DNAH5: variants seen among roughly 807,000 people sequenced by gnomAD.
The protein encoded by DNAH5 is axonemal beta dynein heavy chain 5.
In DNAH5, 372 loss-of-function variants were observed where a neutral mutation model predicts 518.2. The ratio of observed to expected loss-of-function variants is 0.72; its 90% CI spans 0.66 to 0.78. The LOEUF (loss-of-function observed/expected upper bound fraction) is 0.78, where lower values mean the gene tolerates loss of function less well. Ranked by LOEUF, DNAH5 falls within the 30% of genes least tolerant of loss-of-function variation. DNAH5 has a pLI of 0.00. For missense variants in DNAH5, 5,523 were observed against 5,687.0 expected, an observed-to-expected ratio of 0.97 and a Z score of 0.93; for synonymous variants, 2,039 against 2,025.9, an observed-to-expected ratio of 1.01 and a Z score of -0.17.
rs1480967856 is a variant in DNAH5, at chr5:13,914,573, G to T, written c.1267C>A (p.Gln423Lys). The change falls in exon 10 of 79, where the codon CAG becomes AAG. Residue 423 changes from glutamine (Q) to lysine (K), a missense_variant. By Grantham distance (53) the Gln-to-Lys change is moderately conservative. This residue lies in a region of DNAH5 where 5,121 missense variants were observed against 5,223.3 expected (regional missense o/e 0.98). Coordinates refer to ENST00000265104, the MANE Select transcript of DNAH5 (RefSeq NM_001369.3). Reference protein sequence around the residue: ...TNNGTASIWNQPQDVVEEKIL... With the variant: ...TNNGTASIWNKPQDVVEEKIL... Reference sequence around the variant, plus strand: ...TTTTCTTCAACAACATCCTGTGGCTGGTTCCAGATGGAAGCGGTTCCATTA... The same window carrying T: ...TTTTCTTCAACAACATCCTGTGGCTTGTTCCAGATGGAAGCGGTTCCATTA... 1.9e-6 allele frequency: 3 copies of T among 1,613,280 alleles called. No individual in the cohort carries two copies. The highest frequency in any genetic ancestry group is 2.5e-6 in the Non-Finnish European group (3 of 1,179,460).
At chr5:13,795,756 G>C (rs1171416518) in intron 47 of DNAH5, among the ~76,000 whole-genome samples, 1 of 151,948 alleles carries the variant, frequency 6.6e-6, no homozygotes, top group Non-Finnish European at 1.5e-5. Context: ...AAAAAAGAGA[G>C]TTTTAGACCA....
rs1235254684 is a variant in DNAH5 at position 13,793,706 on chromosome 5, T to A, written c.8033A>T (p.Gln2678Leu). 1 of 1,614,036 alleles carries A rather than the reference T, an allele frequency of 6.2e-7. No individual in the cohort carries two copies. ...GDQVTNEIVRQLMEQNGFYNL... is the reference protein window; with the variant it reads ...GDQVTNEIVRLLMEQNGFYNL... The stretch of plus-strand genomic sequence containing the variant: ...ATAGAATCCATTTTGTTCCATCAGC[T>A]GTCGCACTATCTCATTCGTAACCTA... The change falls in exon 49 of 79, where the codon CAG (glutamine) becomes CTG (leucine). Residue 2678 changes from glutamine (Q) to leucine (L), a missense_variant. By Grantham distance (113) the Gln-to-Leu change is moderately radical. Coordinates refer to ENST00000265104, the MANE Select transcript of DNAH5 (RefSeq NM_001369.3).
intron 76 of DNAH5, among the ~76,000 whole-genome samples, chr5:13,702,945 T>C (rs1230690434): frequency 6.6e-6 from 1 of 151,936 alleles, no homozygotes; most frequent in African/African-American, 2.4e-5. Flanking sequence ...CAACCTCACG[T>C]CTGTAGGCTG....
At chr5:13,812,194 C>T (rs989510862) in intron 43 of DNAH5, among the ~76,000 whole-genome samples, 1 of 152,110 alleles carries the variant, frequency 6.6e-6, no homozygotes, top group East Asian at 1.9e-4. Flanking sequence ...GAGAAATAGT[C>T]TTCAACTCTT....
chr5:13,721,791 T>C (rs1033454837), intron 70 of DNAH5, among the ~76,000 whole-genome samples: 1 of 152,224 alleles, frequency 6.6e-6, no homozygotes, highest in Non-Finnish European at 1.5e-5. Context: ...ATCCCTTTAC[T>C]GTTAATTTTG....
At chr5:13,794,169 C>A (rs1757471440) in intron 47 of DNAH5, 111 bp from the exon 48 acceptor site, 1 of 1,380,544 alleles carries the variant, frequency 7.2e-7, no homozygotes. Flanking sequence ...TGAATTATTT[C>A]TAAAAAGCCA....
chr5:13,930,224 C>T (rs1469531294), intron 2 of DNAH5, among the ~76,000 whole-genome samples: 14 of 152,166 alleles, frequency 9.2e-5, no homozygotes, highest in East Asian at 3.9e-4. Context: ...ACAGATGGCT[C>T]GTACTGGCCC....
intron 32 of DNAH5, among the ~76,000 whole-genome samples, chr5:13,842,429 A>AAGAGAGAGAGAGAGAGAGAGAG (rs1464737735): frequency 7.2e-5 from 4 of 55,650 alleles, no homozygotes; most frequent in African/African-American, 2.3e-4. Flanking sequence ...AAAGAAAAGA[A>AAGAGAGAGAGAGAGAGAGAGAG]AGAAAGAAAG....
chr5:13,865,683 A>G lies in DNAH5; in HGVS notation c.4340T>C (p.Leu1447Ser). 5 of 1,572,506 alleles carry G rather than the reference A, an allele frequency of 3.2e-6. No individual in the cohort carries two copies. The South Asian group carries it at 5.5e-5, about 17-fold the overall frequency. Residue 1447 changes from leucine (L) to serine (S), a missense_variant, in exon 27 of 79, where the codon TTA (leucine) becomes TCA (serine). Coordinates refer to ENST00000265104, the MANE Select transcript of DNAH5 (RefSeq NM_001369.3). The part of the protein sequence containing the change: ...VNIEKINNEL[L>S]EFQNRCRKLP... ...AATTTCTTACCTGTTCTGGAATTCT[A>G]AGAGTTCATTGTTAATTTTTTCAAT...
At chr5:13,992,740 A>C (rs1222670595) in intron 1 of DNAH5, among the ~76,000 whole-genome samples, 1 of 152,200 alleles carries the variant, frequency 6.6e-6, no homozygotes, top group Non-Finnish European at 1.5e-5. Context: ...TACTAAAAGG[A>C]GATCAAAAAG....
At chr5:13,869,288 A>G (rs1324347442) in intron 24 of DNAH5, among the ~76,000 whole-genome samples, 2 of 151,552 alleles carry the variant, frequency 1.3e-5, no homozygotes, top group African/African-American at 4.9e-5. Context: ...CATTCCAGTT[A>G]TAGTGTGATG....
At chr5:13,750,590 C>T (rs1013895770) in intron 65 of DNAH5, among the ~76,000 whole-genome samples, 1 of 152,178 alleles carries the variant, frequency 6.6e-6, no homozygotes, top group Non-Finnish European at 1.5e-5. Flanking sequence ...GGACATACTA[C>T]AGGGCTCTCT....
intron 30 of DNAH5, among the ~76,000 whole-genome samples, chr5:13,855,443 C>T (rs1270660414): frequency 1.5e-5 from 2 of 136,414 alleles, no homozygotes; most frequent in Non-Finnish European, 3.2e-5. Flanking sequence ...CTCCTGACCT[C>T]GTGATCCGCC....
Position 13,871,583 on chromosome 5 carries a change from AC to A in DNAH5, c.3578del (p.Gly1193ValfsTer10), listed in dbSNP as rs2151920264. On this transcript the variant is annotated frameshift_variant, in exon 23 of 79. Transcript: ENST00000265104. LOFTEE classifies it high-confidence loss of function. ...INAEPEYVCV[G>X]SIALYTADLK... ...ACCAACCTGTGTACAGAGCAATGGAACCCACACAGACATATTCAGGCTCAGC... is the reference window on the plus strand; with the variant it reads ...ACCAACCTGTGTACAGAGCAATGGAACCACACAGACATATTCAGGCTCAGC... The A allele has an allele frequency of 6.2e-7, 1 of 1,613,616 alleles. No individual in the cohort carries two copies. Among genetic ancestry groups the A allele is most frequent in the Non-Finnish European group, 8.5e-7 (1 of 1,179,630 alleles).
Position 13,988,361 on chromosome 5 carries a change from T to C in DNAH5, c.12+23287A>G, listed in dbSNP as rs182930019. On this transcript the variant is annotated intron_variant, in intron 1 of 78. Transcript: ENST00000681290. ...GGGCTGTGGCTCTGTTGTACTTTAA[T>C]TGGAAGGAATTGTGCTTGCTGTTTA... is the stretch of plus-strand genomic sequence containing the variant. 8.5e-5 allele frequency among the ~76,000 whole-genome samples: 13 copies of C among 152,198 alleles called. No individual in the cohort carries two copies. In the East Asian group the frequency reaches 2.3e-3, roughly 27 times the overall value.
chr5:13,944,493 C>G lies in DNAH5; in HGVS notation c.-55G>C. Reference sequence around the variant, plus strand: ...GCTCTTCCGGAATGGTCTTCTAACTCCTGGCAGACCTGCTCAACATCCAAC... The same window carrying G: ...GCTCTTCCGGAATGGTCTTCTAACTGCTGGCAGACCTGCTCAACATCCAAC... On this transcript the variant is annotated 5_prime_UTR_variant, in exon 1 of 79. Coordinates refer to ENST00000265104, the MANE Select transcript of DNAH5 (RefSeq NM_001369.3). 6.8e-7 allele frequency: 1 copy of G among 1,463,488 alleles called. No homozygotes were observed. Among genetic ancestry groups the G allele is most frequent in the Admixed American group, 1.7e-5 (1 of 59,336 alleles). The allele number at this position is 1,463,488 out of a possible 1,614,324, so 90.7% of individuals were successfully genotyped here. A position where few individuals can be genotyped will look rare whatever the true frequency, so the allele number is the denominator to read the frequency against.
intron 7 of DNAH5, 44 bp from the exon 8 acceptor site, chr5:13,917,300 G>C (rs1206158971): frequency 7.0e-7 from 1 of 1,437,238 alleles, no homozygotes; most frequent in East Asian, 2.3e-5. Context: ...ATTATTAATA[G>C]AGGAACTTCC....
chr5:13,991,211 G>A (rs72736944), intron 1 of DNAH5, among the ~76,000 whole-genome samples: 4 of 152,272 alleles, frequency 2.6e-5, no homozygotes, highest in Non-Finnish European at 5.9e-5. Context: ...TAAGCTAAGA[G>A]CAAAGCAAAC....
At chr5:13,798,740 T>TTTAA (rs1230060009) in intron 47 of DNAH5, among the ~76,000 whole-genome samples, 1 of 87,226 alleles carries the variant, frequency 1.1e-5, no homozygotes, top group Non-Finnish European at 2.6e-5. Flanking sequence ...ATTTTATTTA[T>TTTAA]TTTATTTATT....
Sources: allele counts gnomAD v4.1 joint callset (sites outside exome capture counted in the v4.1 genomes callset), GRCh38; gene constraint gnomAD v4.1.1; regional missense constraint gnomAD v4.1.1; transcripts MANE v1.5; gene names NCBI Gene and HGNC (gene_info 2026-07-23, HGNC 2026-07-21).